Variants in LMF1 observed in about 807,000 individuals in gnomAD.
The protein encoded by LMF1 is lipase maturation factor 1.
Under a neutral mutation model 60.6 loss-of-function variants are expected in LMF1, and 68 were observed. The ratio of observed to expected loss-of-function variants is 1.12; its 90% confidence interval spans 0.92 to 1.37. The LOEUF (loss-of-function observed/expected upper bound fraction) is 1.37. LMF1 is among the 40% of genes most tolerant of loss of function. LMF1 has a pLI of 0.00. For missense variants in LMF1, 948 were observed against 767.2 expected (o/e 1.24, Z -2.78); for synonymous variants, 418 against 324.7 (o/e 1.29, Z -3.09).
At chr16:909,503 A>G (rs4984975) in intron 4 of LMF1, among the ~76,000 whole-genome samples, 66,421 of 151,956 alleles carry the variant, frequency 0.44, 16,301 homozygotes, top group African/African-American at 0.66. Flanking sequence ...ATACTGAGCC[A>G]CGCTACACAG....
intron 3 of LMF1, among the ~76,000 whole-genome samples, chr16:921,889 T>A (rs1016872580): frequency 1.3e-5 from 2 of 152,136 alleles, no homozygotes; most frequent in Admixed American, 1.3e-4. Flanking sequence ...TAAAAAAGAT[T>A]GACTACATAG....
chr16:939,506 G>A (rs994278625), intron 2 of LMF1, among the ~76,000 whole-genome samples: 1 of 152,256 alleles, frequency 6.6e-6, no homozygotes, highest in Non-Finnish European at 1.5e-5. Context: ...GCCACCACAC[G>A]TGCCGCCGAG....
rs896471954 is a variant in LMF1 at position 878,420 on chromosome 16, C to T, written c.897+1150G>A. ...CCTTGCTGGGGGGAGGGGTCAAGAA[C>T]AGCACAGCCACCCTGGACACGTGCA... On this transcript the variant is annotated intron_variant, in intron 6 of 10. Transcript: ENST00000262301. This position sits in a 1 kb window ranked among gnomAD's most constrained non-coding sequence, Gnocchi z 5.2. Among the ~76,000 whole-genome samples, 1 of 152,156 alleles carries T rather than the reference C, an allele frequency of 6.6e-6. No homozygotes were observed. The highest frequency in any genetic ancestry group is 2.4e-5 in the African/African-American group (1 of 41,428).
At chr16:959,527 T>C (rs973820630) in intron 1 of LMF1, among the ~76,000 whole-genome samples, 1 of 152,106 alleles carries the variant, frequency 6.6e-6, no homozygotes, top group Non-Finnish European at 1.5e-5. Flanking sequence ...GCACAAACTA[T>C]TGGGGGAAGA....
chr16:971,259 G>T (rs2073047186), upstream of LMF1, among the ~76,000 whole-genome samples: 1 of 152,222 alleles, frequency 6.6e-6, no homozygotes, highest in South Asian at 2.1e-4. Context: ...CGCGTCGCCC[G>T]ACCCGAGCTC....
intron 5 of LMF1, among the ~76,000 whole-genome samples, chr16:886,232 A>G (rs1019440394): frequency 6.6e-6 from 1 of 152,226 alleles, no homozygotes; most frequent in African/African-American, 2.4e-5. Flanking sequence ...ACAGGGCTGC[A>G]TAACAACAGG....
intron 10 of LMF1, among the ~76,000 whole-genome samples, chr16:860,680 G>A (rs530498239): frequency 6.6e-6 from 1 of 152,246 alleles, no homozygotes; most frequent in South Asian, 2.1e-4. Context: ...TGAAGTCCAG[G>A]ATCCGTTTTG....
chr16:921,793 C>G (rs934948502), intron 3 of LMF1, among the ~76,000 whole-genome samples: 2 of 152,186 alleles, frequency 1.3e-5, no homozygotes, highest in Admixed American at 1.3e-4. Context: ...ACCCCGTGAA[C>G]AGAACCTACG....
rs768214469 is a variant in LMF1, at chr16:878,080, C to T, written c.897+1490G>A. 6.7e-6 allele frequency among the ~76,000 whole-genome samples: 1 copy of T among 149,938 alleles called. No individual in the cohort carries two copies. The highest frequency in any genetic ancestry group is 1.5e-5 in the Non-Finnish European group (1 of 67,478). On this transcript the variant is annotated intron_variant, in intron 6 of 10. Transcript: ENST00000262301. This position sits in a 1 kb window ranked among gnomAD's most constrained non-coding sequence, Gnocchi z 5.2. ...CCGACTGAAGCTATTCCAGGAGCCC[C>T]CAGACGCGCGTGGGGTCCAGCCACA...
intron 5 of LMF1, among the ~76,000 whole-genome samples, 141 bp downstream of exon 5, chr16:892,855 CCGTGAAGGGAG>C (rs1213650291): frequency 6.6e-6 from 1 of 152,206 alleles, no homozygotes; most frequent in Admixed American, 6.5e-5. Flanking sequence ...ACCACCCACC[CCGTGAAGGGAG>C]GGAGAGGACG....
Position 979,319 on chromosome 16 carries a change from C to T in LMF1, c.-135+1826G>A, listed in dbSNP as rs2073269825. 8.4e-6 allele frequency: 3 copies of T among 355,086 alleles called. No homozygotes were observed. In the Admixed American group the frequency reaches 1.1e-4, roughly 13 times the overall value. The allele number at this position is 355,086 out of a possible 1,614,324, so 22.0% of individuals were successfully genotyped here. A position where few individuals can be genotyped will look rare whatever the true frequency, so the allele number is the denominator to read the frequency against. ...CACCACTCTGCATGGGGATCCTCAC[C>T]CACATACCGCCCTCCCGGGAGTGCA... On this transcript the variant is annotated intron_variant, in intron 1 of 6. Transcript: ENST00000570014.
rs577358020 is a variant in LMF1, at chr16:879,571, T to C, written c.896A>G (p.Gln299Arg). The C allele has an allele frequency of 1.9e-6, 3 of 1,612,618 alleles. No individual in the cohort carries two copies. In the African/African-American group the frequency reaches 4.0e-5, roughly 21 times the overall value. ...IIHGVLQILF[Q>R]AVLIVSGNLS... is the part of the protein sequence containing the mutation. The stretch of plus-strand genomic sequence containing the variant: ...GCAGGGCGGGCGGCGCGGGCTCACC[T>C]GGAACAGGATCTGCAGCACCCCGTG... Residue 299 changes from glutamine to arginine, a missense_variant and splice_region_variant, in exon 6 of 11, where the codon CAG becomes CGG. By Grantham distance (43) the Gln-to-Arg change is conservative (BLOSUM62 1). Coordinates refer to ENST00000262301, the MANE Select transcript of LMF1 (RefSeq NM_022773.4).
At position 861,016 on chromosome 16, in the gene LMF1, G is replaced by T. The variant is rs760203901; in HGVS notation, c.1530-6310C>A. On this transcript the variant is annotated intron_variant, in intron 10 of 10. Coordinates refer to ENST00000262301, the MANE Select transcript of LMF1 (RefSeq NM_022773.4). Reference sequence around the variant, plus strand: ...CTTACCTATTAACACATCTTGCTGGGTTTTTTTTTTAATAGGAATTGCATT... The same window carrying T: ...CTTACCTATTAACACATCTTGCTGGTTTTTTTTTTTAATAGGAATTGCATT... Among the ~76,000 whole-genome samples the T allele has an allele frequency of 1.2e-3, 171 of 146,884 alleles. 1 individual carries two copies. Among genetic ancestry groups the T allele is most frequent in the Admixed American group, 2.3e-3 (34 of 14,762 alleles).
chr16:945,561 C>T (rs1488262814), intron 2 of LMF1, among the ~76,000 whole-genome samples: 1 of 95,984 alleles, frequency 1.0e-5, no homozygotes, highest in Non-Finnish European at 2.0e-5. Flanking sequence ...GGCACTGGGT[C>T]AGAGTTAAAA....
intron 3 of LMF1, among the ~76,000 whole-genome samples, chr16:913,025 C>T (rs1281532879): frequency 6.6e-6 from 1 of 152,238 alleles, no homozygotes; most frequent in Admixed American, 6.5e-5. Flanking sequence ...CGCAGGGCCA[C>T]AGCACACGCT....
At chr16:910,271 G>A (rs2071074138) in intron 4 of LMF1, among the ~76,000 whole-genome samples, 1 of 152,206 alleles carries the variant, frequency 6.6e-6, no homozygotes, top group African/African-American at 2.4e-5. Context: ...AGACGCAGAT[G>A]AGCAGCCCCT....
At chr16:863,675 C>T (rs1022628179) in intron 10 of LMF1, among the ~76,000 whole-genome samples, 5 of 152,074 alleles carry the variant, frequency 3.3e-5, no homozygotes, top group African/African-American at 9.7e-5. Flanking sequence ...ATTTTTTAAG[C>T]GATGGGGTCT....
rs1258289794 is a variant in LMF1, at chr16:878,133, C to A, written c.897+1437G>T. Among the ~76,000 whole-genome samples, 1 of 152,086 alleles carries A rather than the reference C, an allele frequency of 6.6e-6. No homozygotes were observed. Among genetic ancestry groups the A allele is most frequent in the African/African-American group, 2.4e-5 (1 of 41,392 alleles). ...GAATCCACTGAAGCTATTCCAGGAG[C>A]CCCCAAACACGCGTGGGGTCCGGCT... On this transcript the variant is annotated intron_variant, in intron 6 of 10. Transcript: ENST00000262301. The surrounding 1 kb of genome is among the most constrained non-coding windows in gnomAD (Gnocchi z 5.2).
intron 10 of LMF1, among the ~76,000 whole-genome samples, chr16:858,301 T>G (rs866866849): frequency 3.9e-5 from 1 of 25,330 alleles, no homozygotes; most frequent in Non-Finnish European, 6.5e-5. Flanking sequence ...TGTCTCGGGA[T>G]GGGTGTGCAG....
Sources: allele counts gnomAD v4.1 joint callset (sites outside exome capture counted in the v4.1 genomes callset), GRCh38; gene constraint gnomAD v4.1.1; non-coding constraint Gnocchi (gnomAD v3.1); transcripts MANE v1.5; gene names NCBI Gene and HGNC (gene_info 2026-07-23, HGNC 2026-07-21).